The following SEC24A variants were observed in gnomAD, a reference collection of about 807,000 sequenced individuals.
SEC24A encodes the protein protein transport protein Sec24A.
Under a neutral mutation model 129.4 loss-of-function variants are expected in SEC24A, and 93 were observed. The observed-to-expected ratio is 0.72, with a 90% CI of 0.61 to 0.85. The LOEUF is 0.85. SEC24A is among the 40% of genes least tolerant of loss of function. The pLI, the probability that SEC24A is intolerant of heterozygous loss-of-function variation, is 0.00. For synonymous variants in SEC24A, 460 were observed against 467.3 expected (o/e 0.98, Z 0.20); for missense variants, 1,264 against 1,307.4 (o/e 0.97, Z 0.51).
At chr5:134,655,812 A>G (rs1293382228) in intron 1 of SEC24A, among the ~76,000 whole-genome samples, 2 of 152,080 alleles carry the variant, frequency 1.3e-5, no homozygotes, top group African/African-American at 4.8e-5. Flanking sequence ...TTTGGTTTCT[A>G]GGATATCACC....
Position 134,715,119 on chromosome 5 carries a change from A to G in SEC24A, c.2823A>G (p.Thr941=), listed in dbSNP as rs369898845. 1.4e-5 allele frequency: 22 copies of G among 1,609,844 alleles called. No individual in the cohort carries two copies. Among genetic ancestry groups the G allele is most frequent in the Admixed American group, 3.4e-5 (2 of 58,672 alleles). Residue 941 remains threonine, a synonymous_variant, in exon 19 of 23, where the codon ACA becomes ACG. Transcript: ENST00000398844. Reference sequence around the variant, plus strand: ...AGCCCTTGGTTTACCTTATGCTCACAACTCATCCCAGTTTGTATAGAGTTG... The same window carrying G: ...AGCCCTTGGTTTACCTTATGCTCACGACTCATCCCAGTTTGTATAGAGTTG... ...KNQPLVYLML[T]THPSLYRVDN... is the part of the protein sequence containing the mutation.
chr5:134,669,161 A>C (rs956955549), intron 3 of SEC24A, among the ~76,000 whole-genome samples: 2 of 151,984 alleles, frequency 1.3e-5, no homozygotes, highest in African/African-American at 4.8e-5. Context: ...TATTTAAATA[A>C]GAAAAAAAAA....
chr5:134,674,845 T>G, intron 5 of SEC24A, 70 bp downstream of exon 5: 1 of 1,356,814 alleles, frequency 7.4e-7, no homozygotes, highest in Non-Finnish European at 1.0e-6. Context: ...TGAAGAAAGT[T>G]TTAGGAAGGT....
At chr5:134,686,360 G>A (rs186827649) in intron 9 of SEC24A, among the ~76,000 whole-genome samples, 167 of 151,706 alleles carry the variant, frequency 1.1e-3, no homozygotes, top group African/African-American at 3.8e-3. Context: ...TCAGCCTCCC[G>A]AGAGTAGCTG....
intron 3 of SEC24A, among the ~76,000 whole-genome samples, chr5:134,671,018 T>A (rs1262816174): frequency 6.6e-6 from 1 of 151,702 alleles, no homozygotes; most frequent in Non-Finnish European, 1.5e-5. Flanking sequence ...GAAAGTAAGG[T>A]CTTTGCTCCT....
chr5:134,705,322 C>G lies in SEC24A; in HGVS notation c.2441-5C>G. The G allele has an allele frequency of 6.2e-7, 1 of 1,607,598 alleles. No individual in the cohort carries two copies. Among genetic ancestry groups the G allele is most frequent in the Non-Finnish European group, 8.5e-7 (1 of 1,174,918 alleles). The stretch of plus-strand genomic sequence containing the variant: ...CTCACTGTTGTTTGTGTATTTTCCC[C>G]AAAGGCGAAAGAAGAATTCGTGTTC... On this transcript the variant is annotated splice_region_variant and splice_polypyrimidine_tract_variant and intron_variant, in intron 16 of 22. Coordinates refer to ENST00000398844, the MANE Select transcript of SEC24A (RefSeq NM_021982.3).
At chr5:134,679,846 C>G in intron 8 of SEC24A, 118 bp downstream of exon 8, 1 of 652,566 alleles carries the variant, frequency 1.5e-6, no homozygotes, top group Admixed American at 3.5e-5. Context: ...GTCAATCCTT[C>G]CACTCAGAGA....
At chr5:134,656,608 G>A (rs1395947080) in intron 1 of SEC24A, among the ~76,000 whole-genome samples, 1 of 151,928 alleles carries the variant, frequency 6.6e-6, no homozygotes. Context: ...CAGCCTCTGA[G>A]TAGCTGGGAC....
intron 3 of SEC24A, among the ~76,000 whole-genome samples, chr5:134,669,802 T>G (rs1039409818): frequency 4.8e-4 from 73 of 152,004 alleles, no homozygotes; most frequent in African/African-American, 1.7e-3. Flanking sequence ...TTTTAAGAGA[T>G]AGAGTTTACT....
intron 20 of SEC24A, 149 bp downstream of exon 20, chr5:134,718,322 A>G: frequency 1.9e-6 from 1 of 530,634 alleles, no homozygotes. Flanking sequence ...ATGATGTGTA[A>G]GTCATGGCTT....
At chr5:134,717,646 C>T (rs1485461890) in intron 19 of SEC24A, among the ~76,000 whole-genome samples, 2 of 151,614 alleles carry the variant, frequency 1.3e-5, no homozygotes, top group South Asian at 2.1e-4. Context: ...TGGCCGGGTG[C>T]GGTAGCTCAC....
At chr5:134,717,697 A>G (rs1046249247) in intron 19 of SEC24A, among the ~76,000 whole-genome samples, 17 of 151,930 alleles carry the variant, frequency 1.1e-4, no homozygotes, top group Admixed American at 7.2e-4. Flanking sequence ...GGGTGGATCA[A>G]CTGAGGTTGG....
chr5:134,713,083 C>G (rs991339273), intron 18 of SEC24A, among the ~76,000 whole-genome samples: 2 of 151,218 alleles, frequency 1.3e-5, no homozygotes, highest in Non-Finnish European at 2.9e-5. Flanking sequence ...AGGCGCCCAC[C>G]ACAATGCCCG....
At chr5:134,688,334 A>G in intron 11 of SEC24A, 35 bp downstream of exon 11, 4 of 1,270,892 alleles carry the variant, frequency 3.1e-6, no homozygotes, top group African/African-American at 1.5e-5. Context: ...ATAATTTTTC[A>G]GTTTTAGAAA....
Position 134,686,806 on chromosome 5 carries a change from C to G in SEC24A, c.1508C>G (p.Pro503Arg), listed in dbSNP as rs1333503765. ...PSEYMLRPPQ[P>R]PVYLFVFDVS... ...TTTCTTCAGTTACGACCACCTCAGC[C>G]TCCAGTGTATCTCTTTGTATTTGAT... Residue 503 changes from proline to arginine, a missense_variant, in exon 10 of 23, where the codon CCT (proline) becomes CGT (arginine). Coordinates refer to ENST00000398844, the MANE Select transcript of SEC24A (RefSeq NM_021982.3). 5.6e-6 allele frequency: 9 copies of G among 1,600,178 alleles called. No homozygotes were observed. Among genetic ancestry groups the G allele is most frequent in the Non-Finnish European group, 7.7e-6 (9 of 1,173,934 alleles).
chr5:134,698,238 CA>C (rs1350592606), intron 15 of SEC24A, among the ~76,000 whole-genome samples, 181 bp downstream of exon 15: 3 of 152,030 alleles, frequency 2.0e-5, no homozygotes, highest in Non-Finnish European at 2.9e-5. Context: ...AGAATATACT[CA>C]AAAGCACTGA....
At chr5:134,712,833 T>C (rs538301712) in intron 18 of SEC24A, among the ~76,000 whole-genome samples, 2 of 151,078 alleles carry the variant, frequency 1.3e-5, no homozygotes, top group East Asian at 2.0e-4. Context: ...TTAACCAGGA[T>C]GGCCTCAATT....
chr5:134,657,147 C>G (rs1750276465), intron 1 of SEC24A, among the ~76,000 whole-genome samples: 1 of 151,026 alleles, frequency 6.6e-6, no homozygotes, highest in South Asian at 2.1e-4. Flanking sequence ...ACACTTCAGC[C>G]TGGGTGGCAG....
At chr5:134,674,057 C>T (rs762116530) in intron 4 of SEC24A, among the ~76,000 whole-genome samples, 6 of 151,978 alleles carry the variant, frequency 3.9e-5, no homozygotes, top group African/African-American at 7.3e-5. Flanking sequence ...CGCTTGAACC[C>T]GGGAGGTAGA....
Sources: allele counts gnomAD v4.1 joint callset (sites outside exome capture counted in the v4.1 genomes callset), GRCh38; gene constraint gnomAD v4.1.1; transcripts MANE v1.5; gene names NCBI Gene and HGNC (gene_info 2026-07-23, HGNC 2026-07-21).